APPBP2: variants seen among roughly 807,000 people sequenced by gnomAD.
APPBP2 encodes the protein amyloid protein-binding protein 2.
APPBP2 carries 15 observed loss-of-function variants against 76.0 expected under a neutral mutation model. The ratio of observed to expected loss-of-function variants is 0.20; its 90% CI spans 0.13 to 0.30. The LOEUF (loss-of-function observed/expected upper bound fraction) is 0.30. Among genes scored for constraint, APPBP2 ranks in the 10% least tolerant of loss-of-function variants. The pLI is 1.00. For synonymous variants in APPBP2, 222 were observed against 242.2 expected (o/e 0.92, Z 0.77); for missense variants, 401 against 687.2 (o/e 0.58, Z 4.66).
intron 3 of APPBP2, among the ~76,000 whole-genome samples, chr17:60,484,118 T>G (rs1023588468): frequency 6.6e-5 from 10 of 152,218 alleles, no homozygotes; most frequent in Non-Finnish European, 1.5e-4. Flanking sequence ...CCACGCTGTT[T>G]TGGTTACTGC....
intron 5 of APPBP2, 49 bp downstream of exon 5, chr17:60,466,242 T>C (rs1205230814): frequency 1.3e-6 from 2 of 1,535,840 alleles, no homozygotes; most frequent in African/African-American, 2.8e-5. Context: ...TACCCTCTGT[T>C]TTTATAGGTA....
At chr17:60,454,588 G>T in intron 10 of APPBP2, 96 bp from the exon 11 acceptor site, 1 of 744,228 alleles carries the variant, frequency 1.3e-6, no homozygotes, top group African/African-American at 1.8e-5. Context: ...AATGTTTACT[G>T]AATATATTTA....
At chr17:60,488,471 G>C (rs1261253430) in intron 3 of APPBP2, among the ~76,000 whole-genome samples, 3 of 152,166 alleles carry the variant, frequency 2.0e-5, no homozygotes, top group African/African-American at 2.4e-5. Flanking sequence ...CAAATCTATA[G>C]AGACAGAAAG....
At chr17:60,490,021 TGA>T (rs1283096440) in intron 3 of APPBP2, among the ~76,000 whole-genome samples, 2 of 150,666 alleles carry the variant, frequency 1.3e-5, no homozygotes, top group African/African-American at 5.0e-5. Context: ...GGTGATAGAG[TGA>T]GACTCCATCT....
chr17:60,474,406 T>C (rs1406491777), intron 4 of APPBP2, among the ~76,000 whole-genome samples: 2 of 152,080 alleles, frequency 1.3e-5, no homozygotes, highest in African/African-American at 4.8e-5. Flanking sequence ...ACTCCTGACC[T>C]TAGGTGATCC....
intron 1 of APPBP2, among the ~76,000 whole-genome samples, chr17:60,509,399 T>G (rs533456436): frequency 3.3e-4 from 50 of 151,884 alleles, no homozygotes; most frequent in African/African-American, 1.2e-3. Context: ...AAAACATGTT[T>G]GAAACAACTG....
At chr17:60,474,175 T>TA (rs1567925744) in intron 4 of APPBP2, among the ~76,000 whole-genome samples, 2 of 151,792 alleles carry the variant, frequency 1.3e-5, no homozygotes, top group African/African-American at 4.8e-5. Flanking sequence ...CATTTTTTTT[T>TA]TATTTTTTTT....
chr17:60,458,424 A>C (rs963987493), intron 9 of APPBP2, among the ~76,000 whole-genome samples: 7 of 150,096 alleles, frequency 4.7e-5, no homozygotes, highest in Admixed American at 1.3e-4. Context: ...ACAGAGTGAC[A>C]GACTCTGTCT....
chr17:60,461,729 G>A (rs1464660197), intron 8 of APPBP2, 81 bp downstream of exon 8: 2 of 1,000,052 alleles, frequency 2.0e-6, no homozygotes, highest in African/African-American at 3.3e-5. Context: ...GTCATTTTTA[G>A]AGTGGTTTAT....
chr17:60,463,355 T>TG (rs1333527942), intron 6 of APPBP2, among the ~76,000 whole-genome samples: 1 of 152,180 alleles, frequency 6.6e-6, no homozygotes, highest in Non-Finnish European at 1.5e-5. Context: ...CCAACCGTGG[T>TG]GGACCTGTAA....
At chr17:60,516,010 T>C (rs1159698171) in intron 1 of APPBP2, among the ~76,000 whole-genome samples, 2 of 151,840 alleles carry the variant, frequency 1.3e-5, no homozygotes, top group African/African-American at 4.8e-5. Context: ...ACCAAAAATA[T>C]AAAAAATTAG....
At chr17:60,517,257 T>G (rs917281251) in intron 1 of APPBP2, among the ~76,000 whole-genome samples, 2 of 152,204 alleles carry the variant, frequency 1.3e-5, no homozygotes, top group Non-Finnish European at 2.9e-5. Flanking sequence ...ATTACAGGCG[T>G]GAGCCACCAT....
At chr17:60,447,883 TAAC>T in intron 12 of APPBP2, 49 bp from the exon 13 acceptor site, 1 of 1,484,994 alleles carries the variant, frequency 6.7e-7, no homozygotes, top group Non-Finnish European at 9.1e-7. Flanking sequence ...AATAATGAGA[TAAC>T]AAGCAATTTC....
chr17:60,486,578 T>G (rs1339674890), intron 3 of APPBP2, among the ~76,000 whole-genome samples: 1 of 152,218 alleles, frequency 6.6e-6, no homozygotes, highest in Non-Finnish European at 1.5e-5. Flanking sequence ...ATTTTGAGCC[T>G]ACGTGTGTCT....
At chr17:60,458,211 A>G (rs1244705103) in intron 9 of APPBP2, among the ~76,000 whole-genome samples, 1 of 152,176 alleles carries the variant, frequency 6.6e-6, no homozygotes, top group East Asian at 1.9e-4. Context: ...AGGGGGGCAG[A>G]TCACTTGAGG....
At chr17:60,497,467 T>C (rs1223014231) in intron 2 of APPBP2, among the ~76,000 whole-genome samples, 1 of 152,180 alleles carries the variant, frequency 6.6e-6, no homozygotes, top group Non-Finnish European at 1.5e-5. Context: ...AATAATTTAG[T>C]TCTACATTTT....
At chr17:60,461,961 T>C (rs769070542) in intron 7 of APPBP2, 33 bp downstream of exon 7, 1 of 1,608,824 alleles carries the variant, frequency 6.2e-7, no homozygotes, top group South Asian at 1.1e-5. Flanking sequence ...ATAGAGACAA[T>C]TTAAAAGGAT....
At chr17:60,487,208 G>T (rs994655585) in intron 3 of APPBP2, among the ~76,000 whole-genome samples, 1 of 152,122 alleles carries the variant, frequency 6.6e-6, no homozygotes, top group Non-Finnish European at 1.5e-5. Context: ...TCTTTGTGGT[G>T]TTCTCTGTAT....
intron 4 of APPBP2, among the ~76,000 whole-genome samples, chr17:60,471,882 T>C (rs2090555286): frequency 6.6e-6 from 1 of 152,146 alleles, no homozygotes; most frequent in African/African-American, 2.4e-5. Context: ...TCCTAGAACT[T>C]TGGGAGGCCA....
Sources: gnomAD v4.1 joint callset for allele counts (sites outside exome capture counted in the v4.1 genomes callset) on GRCh38, gnomAD v4.1.1 for gene constraint, MANE v1.5 for transcripts, NCBI Gene and HGNC (gene_info 2026-07-23, HGNC 2026-07-21) for gene names.